Variants in CD86 observed in about 807,000 individuals in gnomAD.
CD86 encodes the protein T-lymphocyte activation antigen CD86.
In CD86, 11 loss-of-function variants were observed where a neutral mutation model predicts 32.1. The ratio of observed to expected loss-of-function variants is 0.34; its 90% CI spans 0.22 to 0.57. The LOEUF (loss-of-function observed/expected upper bound fraction) is 0.57. Among genes scored for constraint, CD86 ranks in the 20% least tolerant of loss-of-function variants. CD86 has a pLI of 0.86. For synonymous variants in CD86, 137 were observed against 135.3 expected (o/e 1.01, Z -0.09); for missense variants, 359 against 398.4 (o/e 0.90, Z 0.84).
chr3:122,109,637 T>A (rs1490773758), intron 5 of CD86, among the ~76,000 whole-genome samples: 1 of 152,268 alleles, frequency 6.6e-6, no homozygotes, highest in African/African-American at 2.4e-5. Context: ...GGTTTACAAA[T>A]GTACTTCTGG....
chr3:122,107,577 A>G (rs1193568383), intron 4 of CD86, among the ~76,000 whole-genome samples: 1 of 152,172 alleles, frequency 6.6e-6, no homozygotes, highest in African/African-American at 2.4e-5. Flanking sequence ...CTCCTGGAAT[A>G]AAGGTGGTCT....
chr3:122,062,116 T>C (rs1173123866), intron 1 of CD86, among the ~76,000 whole-genome samples: 2 of 151,428 alleles, frequency 1.3e-5, no homozygotes, highest in Admixed American at 6.6e-5. Flanking sequence ...ACTAAAAATG[T>C]TCATCTTCAC....
At position 122,055,488 on chromosome 3, in the gene CD86, A is replaced by C; in HGVS notation, c.-2A>C. ...TATTAGGTCACAGCAGAAGCAGCCA[A>C]AATGGATCCCCAGTGGTGAGTAATA... is the stretch of plus-strand genomic sequence containing the variant. On this transcript the variant is annotated 5_prime_UTR_variant, in exon 1 of 7. Coordinates refer to ENST00000330540, the MANE Select transcript of CD86 (RefSeq NM_175862.5). The C allele has an allele frequency of 6.2e-7, 1 of 1,614,100 alleles. No individual in the cohort carries two copies. Among genetic ancestry groups the C allele is most frequent in the Non-Finnish European group, 8.5e-7 (1 of 1,179,932 alleles).
chr3:122,091,481 C>T, intron 1 of CD86, 120 bp from the exon 2 acceptor site: 1 of 767,938 alleles, frequency 1.3e-6, no homozygotes. Context: ...CTGGCATTGT[C>T]TCTGCACACC....
intron 1 of CD86, among the ~76,000 whole-genome samples, chr3:122,059,492 C>T (rs1445991587): frequency 6.7e-6 from 1 of 149,280 alleles, no homozygotes; most frequent in East Asian, 2.0e-4. Flanking sequence ...GCTGAGATAG[C>T]ACCACGGCAC....
chr3:122,110,698 G>GTATATAT (rs1489184772), intron 5 of CD86, among the ~76,000 whole-genome samples: 9 of 152,174 alleles, frequency 5.9e-5, no homozygotes, highest in Non-Finnish European at 1.2e-4. Flanking sequence ...TGTGCTGCGA[G>GTATATAT]ATTTCTATGA....
At chr3:122,101,513 A>AAT (rs58001956) in intron 2 of CD86, among the ~76,000 whole-genome samples, 1,845 of 46,056 alleles carry the variant, frequency 0.04, 29 homozygotes, top group African/African-American at 0.067. Context: ...AAAAAAAAAA[A>AAT]ATATATATAT....
At chr3:122,103,387 T>G in intron 2 of CD86, 125 bp from the exon 3 acceptor site, 1 of 676,384 alleles carries the variant, frequency 1.5e-6, no homozygotes, top group East Asian at 2.7e-5. Context: ...GTTCCAGAGC[T>G]TAATATCTTA....
At chr3:122,116,673 G>A (rs1252215861) in intron 5 of CD86, among the ~76,000 whole-genome samples, 2 of 152,132 alleles carry the variant, frequency 1.3e-5, no homozygotes, top group Admixed American at 6.6e-5. Context: ...TCAGTTGGCG[G>A]TGGTATATTT....
At chr3:122,080,141 G>C (rs895460144) in intron 1 of CD86, among the ~76,000 whole-genome samples, 1 of 152,134 alleles carries the variant, frequency 6.6e-6, no homozygotes, top group Non-Finnish European at 1.5e-5. Flanking sequence ...GAGAAAACAA[G>C]AATCAGGCTA....
intron 1 of CD86, among the ~76,000 whole-genome samples, chr3:122,057,130 A>T (rs1384933520): frequency 2.0e-5 from 3 of 152,198 alleles, no homozygotes; most frequent in Admixed American, 6.5e-5. Flanking sequence ...AGAAGGGAGG[A>T]TTATTTGTAC....
chr3:122,103,735 A>C lies in CD86; in HGVS notation c.288A>C (p.Arg96Ser), dbSNP rs1161235505. ...TTGATTCGGACAGTTGGACCCTGAG[A>C]CTTCACAATCTTCAGATCAAGGACA... The part of the protein sequence containing the change: ...TSFDSDSWTL[R>S]LHNLQIKDKG... The change falls in exon 3 of 7, where the codon AGA (arginine) becomes AGC (serine). Residue 96 changes from arginine to serine, a missense_variant. Transcript: ENST00000330540. 1 of 1,613,928 alleles carries C rather than the reference A, an allele frequency of 6.2e-7. No individual in the cohort carries two copies. Among genetic ancestry groups the C allele is most frequent in the African/African-American group, 1.3e-5 (1 of 74,922 alleles).
At chr3:122,112,877 T>C (rs191059682) in intron 5 of CD86, among the ~76,000 whole-genome samples, 90 of 152,334 alleles carry the variant, frequency 5.9e-4, no homozygotes, top group African/African-American at 2.0e-3. Flanking sequence ...TGGGAACTAC[T>C]GAACTAAACT....
rs866110754 is a variant in CD86 at position 122,103,578 on chromosome 3, A to G, written c.131A>G (p.Asn44Ser). The G allele has an allele frequency of 1.2e-6, 2 of 1,613,902 alleles. No homozygotes were observed. Among genetic ancestry groups the G allele is most frequent in the Middle Eastern group, 1.7e-4 (1 of 6,058 alleles). ...ETADLPCQFA[N>S]SQNQSLSELV... ...GCAGACCTGCCATGCCAATTTGCAA[A>G]CTCTCAAAACCAAAGCCTGAGTGAG... is the stretch of plus-strand genomic sequence containing the variant. The change falls in exon 3 of 7, where the codon AAC becomes AGC. Residue 44 changes from asparagine to serine, a missense_variant. Transcript: ENST00000330540.
At chr3:122,077,952 T>G (rs779509345) in intron 1 of CD86, 177 of 985,466 alleles carry the variant, frequency 1.8e-4, no homozygotes, top group Non-Finnish European at 2.1e-4. Flanking sequence ...TTTGGTTTAT[T>G]CTTACCACCT....
chr3:122,072,931 T>C (rs1350731996), intron 1 of CD86, among the ~76,000 whole-genome samples: 1 of 151,986 alleles, frequency 6.6e-6, no homozygotes, highest in Non-Finnish European at 1.5e-5. Context: ...AGGGATCCAG[T>C]TTCAGCTTTC....
intron 3 of CD86, among the ~76,000 whole-genome samples, chr3:122,104,334 T>A (rs2073057650): frequency 6.6e-6 from 1 of 152,162 alleles, no homozygotes; most frequent in Non-Finnish European, 1.5e-5. Flanking sequence ...TATGAGTTGT[T>A]TGCTGCCACA....
intron 2 of CD86, among the ~76,000 whole-genome samples, chr3:122,101,442 C>T (rs1471783872): frequency 7.1e-6 from 1 of 141,286 alleles, no homozygotes; most frequent in African/African-American, 2.7e-5. Context: ...TTAGACTGGT[C>T]TGTGAGTGGA....
chr3:122,094,558 C>T (rs966052954), intron 2 of CD86, among the ~76,000 whole-genome samples: 1 of 152,166 alleles, frequency 6.6e-6, no homozygotes, highest in African/African-American at 2.4e-5. Context: ...TCTCAGGGCA[C>T]ACCTCTGCTT....
Sources: gnomAD v4.1 joint callset for allele counts (sites outside exome capture counted in the v4.1 genomes callset) on GRCh38, gnomAD v4.1.1 for gene constraint, MANE v1.5 for transcripts, NCBI Gene and HGNC (gene_info 2026-07-23, HGNC 2026-07-21) for gene names.